Variants in CNTNAP2 observed in about 807,000 individuals in gnomAD.
CNTNAP2 encodes contactin-associated protein-like 2.
In CNTNAP2, 98 loss-of-function variants were observed where a neutral mutation model predicts 155.2. The observed-to-expected ratio is 0.63, with a 90% CI of 0.54 to 0.75. CNTNAP2 has a LOEUF of 0.75. Among genes scored for constraint, CNTNAP2 ranks in the 30% least tolerant of loss-of-function variants. The probability of loss-of-function intolerance (pLI) is 0.00; values close to 1 mark genes in which losing one functional copy is unlikely to be tolerated. For synonymous variants in CNTNAP2, 651 were observed against 631.2 expected (o/e 1.03, Z -0.47); for missense variants, 1,727 against 1,688.1 (o/e 1.02, Z -0.40).
intron 1 of CNTNAP2, among the ~76,000 whole-genome samples, chr7:146,569,409 C>A (rs1031527011): frequency 6.6e-6 from 1 of 152,160 alleles, no homozygotes; most frequent in Non-Finnish European, 1.5e-5. Context: ...ATTCCATGCC[C>A]AATTACATAT....
At chr7:147,439,208 T>C (rs1211917032) in intron 10 of CNTNAP2, among the ~76,000 whole-genome samples, 2 of 152,072 alleles carry the variant, frequency 1.3e-5, no homozygotes, top group South Asian at 2.1e-4. Flanking sequence ...TTCTTATTTT[T>C]TGATGTAGGC....
At chr7:147,636,927 T>A (rs1314744764) in intron 12 of CNTNAP2, among the ~76,000 whole-genome samples, 1 of 151,400 alleles carries the variant, frequency 6.6e-6, no homozygotes, top group Non-Finnish European at 1.5e-5. Context: ...GAAGAAGGAG[T>A]GGGTCCTGAG....
At chr7:147,781,282 A>C (rs1371276061) in intron 13 of CNTNAP2, among the ~76,000 whole-genome samples, 3 of 152,186 alleles carry the variant, frequency 2.0e-5, no homozygotes, top group Non-Finnish European at 4.4e-5. Context: ...TGTTGTAGAA[A>C]GGTAGCTGGA....
Position 148,265,438 on chromosome 7 carries a change from T to C in CNTNAP2, c.3382-1595T>C, listed in dbSNP as rs189762023. On this transcript the variant is annotated intron_variant, in intron 20 of 23. Coordinates refer to ENST00000361727, the MANE Select transcript of CNTNAP2 (RefSeq NM_014141.6). ...ACCGGTGCACACCACCACACCCAGCTACTTTTTAAAATTTTTATAGAGATA... is the reference window on the plus strand; with the variant it reads ...ACCGGTGCACACCACCACACCCAGCCACTTTTTAAAATTTTTATAGAGATA... Among the ~76,000 whole-genome samples, 36 of 152,234 alleles carry C rather than the reference T, an allele frequency of 2.4e-4. No individual in the cohort carries two copies. The East Asian group carries it at 5.2e-3, about 22-fold the overall frequency.
intron 12 of CNTNAP2, among the ~76,000 whole-genome samples, chr7:147,601,325 G>A (rs1036732074): frequency 4.0e-5 from 6 of 151,564 alleles, no homozygotes; most frequent in South Asian, 2.1e-4. Flanking sequence ...GGGTGGGGCC[G>A]TTTTATAGGA....
intron 21 of CNTNAP2, among the ~76,000 whole-genome samples, chr7:148,273,887 G>T (rs936637747): frequency 2.6e-5 from 4 of 152,012 alleles, no homozygotes; most frequent in Admixed American, 1.3e-4. Context: ...GATCCTACAC[G>T]ACTTTTTATT....
chr7:147,066,800 G>A lies in CNTNAP2; in HGVS notation c.550+22746G>A, dbSNP rs1418382558. 2.0e-5 allele frequency among the ~76,000 whole-genome samples: 3 copies of A among 152,142 alleles called. No individual in the cohort carries two copies. In the East Asian group the frequency reaches 5.8e-4, roughly 29 times the overall value. Reference sequence around the variant, plus strand: ...GACTGTCTTTTAGTCAGGTAAGATTGCTGTAACAAATTACCATAGATTGGG... The same window carrying A: ...GACTGTCTTTTAGTCAGGTAAGATTACTGTAACAAATTACCATAGATTGGG... On this transcript the variant is annotated intron_variant, in intron 4 of 23. Coordinates refer to ENST00000361727, the MANE Select transcript of CNTNAP2 (RefSeq NM_014141.6).
chr7:148,365,742 A>G (rs375473499), intron 21 of CNTNAP2, among the ~76,000 whole-genome samples: 6,085 of 25,664 alleles, frequency 0.24, 2,139 homozygotes, highest in Non-Finnish European at 0.52. Context: ...GTATGTGTAT[A>G]CATGTATACA....
chr7:146,958,563 G>T (rs547709500), intron 3 of CNTNAP2, among the ~76,000 whole-genome samples: 1 of 151,000 alleles, frequency 6.6e-6, no homozygotes. Context: ...ACAGGCACCC[G>T]CCACAACGCC....
intron 10 of CNTNAP2, among the ~76,000 whole-genome samples, chr7:147,413,510 G>C (rs1431896897): frequency 6.6e-6 from 1 of 152,212 alleles, no homozygotes; most frequent in Non-Finnish European, 1.5e-5. Context: ...GGATTAGTGA[G>C]AGAGCAGTTG....
chr7:146,928,691 G>C (rs1305548382), intron 3 of CNTNAP2, among the ~76,000 whole-genome samples: 1 of 152,228 alleles, frequency 6.6e-6, no homozygotes, highest in African/African-American at 2.4e-5. Context: ...GTCAAAGAAA[G>C]GGGTGACAGA....
At chr7:146,267,809 T>C (rs1438733270) in intron 1 of CNTNAP2, among the ~76,000 whole-genome samples, 1 of 152,182 alleles carries the variant, frequency 6.6e-6, no homozygotes, top group Non-Finnish European at 1.5e-5. Context: ...AAGATTACTA[T>C]GGGGGCATAA....
chr7:147,405,241 T>C (rs550672245), intron 10 of CNTNAP2, among the ~76,000 whole-genome samples: 2 of 152,330 alleles, frequency 1.3e-5, no homozygotes, highest in South Asian at 4.1e-4. Context: ...CGATTTTATT[T>C]CTTGCTTTTG....
chr7:147,633,426 C>G (rs904057083), intron 12 of CNTNAP2, among the ~76,000 whole-genome samples: 1 of 152,176 alleles, frequency 6.6e-6, no homozygotes, highest in South Asian at 2.1e-4. Flanking sequence ...TTGGAGCCCC[C>G]ACACAAGACT....
intron 8 of CNTNAP2, among the ~76,000 whole-genome samples, chr7:147,244,201 C>G (rs550512156): frequency 2.6e-5 from 4 of 152,262 alleles, no homozygotes; most frequent in African/African-American, 9.6e-5. Context: ...ACAAAGTTAT[C>G]TGATACACAC....
chr7:147,839,288 C>A (rs1188097044), intron 13 of CNTNAP2, among the ~76,000 whole-genome samples: 1 of 152,152 alleles, frequency 6.6e-6, no homozygotes, highest in Non-Finnish European at 1.5e-5. Flanking sequence ...AGGAACAACA[C>A]TTTGCATCCT....
At chr7:146,944,660 C>T (rs1306807823) in intron 3 of CNTNAP2, among the ~76,000 whole-genome samples, 3 of 152,004 alleles carry the variant, frequency 2.0e-5, no homozygotes, top group African/African-American at 7.2e-5. Flanking sequence ...GGGCGGATCA[C>T]GAGGTCATGA....
At chr7:146,448,513 T>A (rs10269504) in intron 1 of CNTNAP2, among the ~76,000 whole-genome samples, 5,186 of 148,710 alleles carry the variant, frequency 0.035, 272 homozygotes, top group African/African-American at 0.13. Context: ...TTGTTTTTGT[T>A]TTTTTTTTAT....
At chr7:147,309,178 A>G (rs777019021) in intron 9 of CNTNAP2, among the ~76,000 whole-genome samples, 15 of 152,202 alleles carry the variant, frequency 9.9e-5, no homozygotes, top group Non-Finnish European at 1.6e-4. Context: ...TAAACTGGAA[A>G]TTAGCTCTCA....
Sources: gnomAD v4.1 joint callset for allele counts (sites outside exome capture counted in the v4.1 genomes callset) on GRCh38, gnomAD v4.1.1 for gene constraint, MANE v1.5 for transcripts, NCBI Gene and HGNC (gene_info 2026-07-23, HGNC 2026-07-21) for gene names.